The following POLN variants were observed in gnomAD, a reference collection of about 807,000 sequenced individuals.
The protein encoded by POLN is DNA polymerase N.
In POLN, 108 loss-of-function variants were observed where a neutral mutation model predicts 113.5. The observed-to-expected ratio is 0.95, with a 90% CI of 0.81 to 1.12. The LOEUF is 1.12. POLN is among the 50% of genes most tolerant of loss of function. The probability of loss-of-function intolerance (pLI) is 0.00; values close to 1 mark genes in which losing one functional copy is unlikely to be tolerated. For missense variants in POLN, 1,097 were observed against 1,077.1 expected, an observed-to-expected ratio of 1.02 and a Z score of -0.26; for synonymous variants, 386 against 391.5, an observed-to-expected ratio of 0.99 and a Z score of 0.17.
chr4:2,239,125 A>T, intron 2 of POLN: 1 of 694,634 alleles, frequency 1.4e-6, no homozygotes, highest in Non-Finnish European at 2.2e-6. Flanking sequence ...TTTCCACTTT[A>T]GGTGACCAGA....
At chr4:2,072,779 G>A (rs1230785892) in intron 25 of POLN, among the ~76,000 whole-genome samples, 189 bp downstream of exon 25, 2 of 152,168 alleles carry the variant, frequency 1.3e-5, no homozygotes, top group African/African-American at 4.8e-5. Flanking sequence ...CCTGTTCACT[G>A]AAGTGAGCAG....
At chr4:2,240,947 G>C (rs1560107548) in intron 2 of POLN, 1 of 1,583,630 alleles carries the variant, frequency 6.3e-7, no homozygotes, top group Non-Finnish European at 8.5e-7. Flanking sequence ...CACAACTCAT[G>C]GTTTTAACTA....
intron 2 of POLN, among the ~76,000 whole-genome samples, chr4:2,233,342 G>A (rs1001915491): frequency 2.6e-5 from 4 of 151,984 alleles, no homozygotes; most frequent in African/African-American, 4.8e-5. Context: ...AAATTGATAC[G>A]GCATTTTATA....
intron 16 of POLN, among the ~76,000 whole-genome samples, chr4:2,135,825 A>G (rs1286621638): frequency 1.3e-5 from 2 of 152,244 alleles, no homozygotes; most frequent in African/African-American, 4.8e-5. Context: ...CTGCCGTCAC[A>G]GACCAACACC....
intron 5 of POLN, among the ~76,000 whole-genome samples, chr4:2,199,804 T>G (rs150582740): frequency 2.8e-4 from 43 of 152,198 alleles, no homozygotes; most frequent in Middle Eastern, 3.4e-3. Context: ...CTCGAACTCC[T>G]GAGCTCAGCC....
intron 15 of POLN, 31 bp downstream of exon 15, chr4:2,157,827 A>T: frequency 6.5e-7 from 1 of 1,532,822 alleles, no homozygotes; most frequent in South Asian, 1.1e-5. Flanking sequence ...CCACAGTCCT[A>T]ATCACAGTAT....
At chr4:2,132,261 C>A (rs1480716223) in intron 16 of POLN, among the ~76,000 whole-genome samples, 1 of 152,024 alleles carries the variant, frequency 6.6e-6, no homozygotes, top group African/African-American at 2.4e-5. Context: ...GAGAAAACAG[C>A]TATTGAATTT....
intron 7 of POLN, among the ~76,000 whole-genome samples, chr4:2,192,825 A>G (rs998079093): frequency 1.3e-5 from 2 of 150,214 alleles, no homozygotes; most frequent in Non-Finnish European, 3.0e-5. Flanking sequence ...ATATATATAT[A>G]TATTTAAAAT....
chr4:2,198,684 A>C lies in POLN; in HGVS notation c.748T>G (p.Leu250Val), dbSNP rs1733640855. ...PVSSVRGIVV[L>V]VKRQAEGGHG... ...CCACCCTCTGCTTGGCGTTTTACTAACACCACAATTCCTCTAACAGAAGAA... is the reference window on the plus strand; with the variant it reads ...CCACCCTCTGCTTGGCGTTTTACTACCACCACAATTCCTCTAACAGAAGAA... The change falls in exon 6 of 26, where the codon TTA becomes GTA. Residue 250 changes from leucine (L) to valine (V), a missense_variant. Leu to Val is a conservative substitution (Grantham distance 32). Transcript: ENST00000511885. 5 of 1,612,184 alleles carry C rather than the reference A, an allele frequency of 3.1e-6. No individual in the cohort carries two copies. Among genetic ancestry groups the C allele is most frequent in the Admixed American group, 3.4e-5 (2 of 59,508 alleles).
At chr4:2,187,841 T>C (rs1381713975) in intron 7 of POLN, among the ~76,000 whole-genome samples, 1 of 152,166 alleles carries the variant, frequency 6.6e-6, no homozygotes, top group Non-Finnish European at 1.5e-5. Context: ...CCAGGCTTGG[T>C]GGCTGACACC....
intron 13 of POLN, among the ~76,000 whole-genome samples, chr4:2,162,662 G>T (rs2108743155): frequency 1.3e-5 from 2 of 152,116 alleles, no homozygotes; most frequent in African/African-American, 4.8e-5. Flanking sequence ...TTGCCATGTT[G>T]CCCAGGCTGG....
At chr4:2,219,502 C>G (rs1315406375) in intron 3 of POLN, among the ~76,000 whole-genome samples, 1 of 152,168 alleles carries the variant, frequency 6.6e-6, no homozygotes, top group African/African-American at 2.4e-5. Context: ...GGCAGCACCA[C>G]CTGGCCTCTA....
At chr4:2,187,956 A>G (rs568780525) in intron 7 of POLN, among the ~76,000 whole-genome samples, 43 of 152,190 alleles carry the variant, frequency 2.8e-4, no homozygotes, top group South Asian at 2.1e-4. Flanking sequence ...TACAAAATAA[A>G]AATAAAAAAA....
intron 10 of POLN, 97 bp from the exon 11 acceptor site, chr4:2,174,116 T>C: frequency 8.8e-7 from 1 of 1,139,372 alleles, no homozygotes; most frequent in Non-Finnish European, 1.3e-6. Flanking sequence ...CAATAATGAC[T>C]GCAACTGCCA....
intron 19 of POLN, among the ~76,000 whole-genome samples, chr4:2,100,137 C>T (rs967877401): frequency 6.6e-6 from 1 of 150,858 alleles, no homozygotes; most frequent in Middle Eastern, 3.4e-3. Flanking sequence ...GGGTTCAAAT[C>T]GTTTATATGG....
chr4:2,085,840 C>G, intron 20 of POLN, 96 bp from the exon 21 acceptor site: 1 of 1,530,464 alleles, frequency 6.5e-7, no homozygotes, highest in African/African-American at 1.4e-5. Flanking sequence ...CAGCACTGGT[C>G]TTTTCTGATG....
intron 5 of POLN, among the ~76,000 whole-genome samples, chr4:2,200,838 A>C (rs190535620): frequency 1.2e-4 from 18 of 152,296 alleles, no homozygotes; most frequent in Non-Finnish European, 2.4e-4. Flanking sequence ...ATACTAGCTC[A>C]CCAGCAATGG....
At chr4:2,086,834 A>T (rs1228275971) in intron 20 of POLN, among the ~76,000 whole-genome samples, 3 of 152,140 alleles carry the variant, frequency 2.0e-5, no homozygotes, top group African/African-American at 7.2e-5. Flanking sequence ...GGGTTGTACT[A>T]GAGGGTGCTC....
At position 2,183,157 on chromosome 4, in the gene POLN, C is replaced by T. The variant is rs539195313; in HGVS notation, c.1022-3692G>A. Reference sequence around the variant, plus strand: ...ACTAAAATAAAGATACACAAGAACACGTATTGGGCAAGGATGTGGGGAAGT... The same window carrying T: ...ACTAAAATAAAGATACACAAGAACATGTATTGGGCAAGGATGTGGGGAAGT... On this transcript the variant is annotated intron_variant, in intron 7 of 25. Transcript: ENST00000511885. Among the ~76,000 whole-genome samples the T allele has an allele frequency of 1.9e-4, 29 of 152,280 alleles. No homozygotes were observed. The East Asian group carries it at 2.1e-3, about 11-fold the overall frequency.
Sources: gnomAD v4.1 joint callset for allele counts (sites outside exome capture counted in the v4.1 genomes callset) on GRCh38, gnomAD v4.1.1 for gene constraint, MANE v1.5 for transcripts, NCBI Gene and HGNC (gene_info 2026-07-23, HGNC 2026-07-21) for gene names.